Variants in CRACR2A observed in about 807,000 individuals in gnomAD.
The protein encoded by CRACR2A is EF-hand calcium-binding domain-containing protein 4B.
CRACR2A carries 79 observed loss-of-function variants against 90.5 expected under a neutral mutation model. The observed-to-expected ratio is 0.87, with a 90% CI of 0.73 to 1.05. The LOEUF is 1.05. Ranked by LOEUF, CRACR2A falls within the 50% of genes least tolerant of loss-of-function variation. The probability of loss-of-function intolerance (pLI) is 0.00; values close to 1 mark genes in which losing one functional copy is unlikely to be tolerated. For synonymous variants in CRACR2A, 338 were observed against 356.7 expected, an observed-to-expected ratio of 0.95 and a Z score of 0.59; for missense variants, 823 against 897.2, an observed-to-expected ratio of 0.92 and a Z score of 1.06.
At chr12:3,618,163 T>TC (rs1867730397) in intron 18 of CRACR2A, among the ~76,000 whole-genome samples, 1 of 141,358 alleles carries the variant, frequency 7.1e-6, no homozygotes, top group South Asian at 2.2e-4. Context: ...AGTTTTTTTT[T>TC]CACTAACAAA....
At chr12:3,749,795 T>TTG (rs200387314) in intron 1 of CRACR2A, among the ~76,000 whole-genome samples, 10,813 of 144,366 alleles carry the variant, frequency 0.075, 435 homozygotes, top group East Asian at 0.12. Flanking sequence ...TGCTGTTTCT[T>TTG]TGTGTGTGTG....
chr12:3,734,025 C>G (rs1946404687), intron 1 of CRACR2A, among the ~76,000 whole-genome samples: 1 of 137,636 alleles, frequency 7.3e-6, no homozygotes, highest in Non-Finnish European at 1.5e-5. Context: ...GGCTGGAGTG[C>G]AGTGGCATGA....
chr12:3,709,077 A>G (rs1156618261), intron 3 of CRACR2A, among the ~76,000 whole-genome samples: 1 of 152,226 alleles, frequency 6.6e-6, no homozygotes, highest in Non-Finnish European at 1.5e-5. Flanking sequence ...TGTCTTTCAC[A>G]ATGCACTGAC....
chr12:3,654,306 C>G lies in CRACR2A; in HGVS notation c.952G>C (p.Glu318Gln), dbSNP rs1282494406. The change falls in exon 10 of 20, where the codon GAG becomes CAG. Residue 318 changes from glutamate to glutamine, a missense_variant. Glu to Gln is a conservative substitution (Grantham distance 29). Coordinates refer to ENST00000440314, the MANE Select transcript of CRACR2A (RefSeq NM_001144958.2). The part of the protein sequence containing the change: ...LKLTNQELAR[E>Q]LERTSWELQD... ...AGCTCCCAGGAAGTCCGCTCCAGCT[C>G]CCGGGCCAGCTCCTGGTTAGTGAGT... 1 of 1,614,046 alleles carries G rather than the reference C, an allele frequency of 6.2e-7. No individual in the cohort carries two copies. The highest frequency in any genetic ancestry group is 8.5e-7 in the Non-Finnish European group (1 of 1,179,974).
chr12:3,656,174 C>A (rs1944902902), intron 9 of CRACR2A, 137 bp downstream of exon 9: 1 of 737,572 alleles, frequency 1.4e-6, no homozygotes, highest in African/African-American at 1.8e-5. Flanking sequence ...TAAATGCTAT[C>A]TTTTGCGCGA....
At chr12:3,726,070 T>C (rs1320179342) in intron 2 of CRACR2A, 1 of 152,164 alleles carries the variant, frequency 6.6e-6, no homozygotes, top group African/African-American at 2.4e-5. Flanking sequence ...AGAAACACCA[T>C]CTTTACCACC....
intron 13 of CRACR2A, among the ~76,000 whole-genome samples, chr12:3,639,773 A>G (rs755479375): frequency 1.6e-4 from 25 of 152,248 alleles, no homozygotes; most frequent in Non-Finnish European, 2.8e-4. Flanking sequence ...ATTCCTTGAT[A>G]TGAAAAATAA....
chr12:3,630,423 GC>G (rs1412641343), intron 15 of CRACR2A, among the ~76,000 whole-genome samples: 1 of 152,180 alleles, frequency 6.6e-6, no homozygotes, highest in Non-Finnish European at 1.5e-5. Flanking sequence ...ACCCTAGGGG[GC>G]TGCTGCAGGG....
At chr12:3,720,464 A>AAAGCAAGCAAGC (rs1236159224) in intron 2 of CRACR2A, among the ~76,000 whole-genome samples, 17 of 150,906 alleles carry the variant, frequency 1.1e-4, no homozygotes, top group African/African-American at 4.2e-4. Flanking sequence ...AGAAAGAAAG[A>AAAGCAAGCAAGC]AAGCAAAAGA....
At position 3,675,225 on chromosome 12, in the gene CRACR2A, G is replaced by A. The variant is rs114548832; in HGVS notation, c.525-1633C>T. Among the ~76,000 whole-genome samples the A allele has an allele frequency of 4.3e-3, 656 of 152,178 alleles. 2 individuals are homozygous for A. Among genetic ancestry groups the A allele is most frequent in the African/African-American group, 0.015 (614 of 41,516 alleles). On this transcript the variant is annotated intron_variant, in intron 6 of 19. Transcript: ENST00000440314. ...GCATTATATTTTAGAAATTTTCTTC[G>A]GAAGTGATATTTGTTAGTGTCATGC... is the stretch of plus-strand genomic sequence containing the variant.
intron 1 of CRACR2A, among the ~76,000 whole-genome samples, chr12:3,735,698 G>A (rs951785674): frequency 7.2e-5 from 11 of 152,260 alleles, no homozygotes; most frequent in African/African-American, 2.2e-4. Flanking sequence ...GTGGAGCTCC[G>A]AGGCTCACAT....
At chr12:3,685,746 T>C (rs1292910510) in intron 4 of CRACR2A, among the ~76,000 whole-genome samples, 1 of 152,160 alleles carries the variant, frequency 6.6e-6, no homozygotes, top group Non-Finnish European at 1.5e-5. Context: ...AATGAGGACA[T>C]TGTTTTACGG....
intron 2 of CRACR2A, among the ~76,000 whole-genome samples, chr12:3,720,413 G>GAGGA (rs1555119059): frequency 2.9e-4 from 9 of 31,314 alleles, no homozygotes; most frequent in African/African-American, 1.1e-3. Flanking sequence ...GAGTGAGAGA[G>GAGGA]AGGAAGAAAG....
Position 3,727,099 on chromosome 12 carries a change from GA to G in CRACR2A, c.-118+5842del, listed in dbSNP as rs1206769743. Reference sequence around the variant, plus strand: ...GAACCCGGGAGGCAGAGGTTGCAGTGACCTGAGATCGCACCACTGCACTCCA... The same window carrying G: ...GAACCCGGGAGGCAGAGGTTGCAGTGCCTGAGATCGCACCACTGCACTCCA... On this transcript the variant is annotated intron_variant, in intron 2 of 19. Transcript: ENST00000440314. 4 of 139,294 alleles carry G rather than the reference GA, an allele frequency of 2.9e-5. No individual in the cohort carries two copies. The Admixed American group carries it at 3.1e-4, about 11-fold the overall frequency. 8.6% of individuals were successfully genotyped at this position (139,294 alleles called of 1,614,324 possible). A position where few individuals can be genotyped will look rare whatever the true frequency, so the allele number is the denominator to read the frequency against.
intron 11 of CRACR2A, among the ~76,000 whole-genome samples, chr12:3,646,180 T>A (rs974830107): frequency 3.3e-5 from 5 of 152,292 alleles, no homozygotes; most frequent in African/African-American, 1.2e-4. Context: ...GAAAGTGAGT[T>A]GACTGGGTCG....
chr12:3,683,228 G>T (rs1435415948), intron 4 of CRACR2A, among the ~76,000 whole-genome samples: 2 of 152,202 alleles, frequency 1.3e-5, no homozygotes, highest in African/African-American at 4.8e-5. Flanking sequence ...TTTCCATCCA[G>T]GGCTTGAGCA....
At chr12:3,738,753 T>C (rs55936946) in intron 1 of CRACR2A, among the ~76,000 whole-genome samples, 23,898 of 152,118 alleles carry the variant, frequency 0.16, 2,075 homozygotes, top group African/African-American at 0.2. Context: ...CCAAGACACA[T>C]ATTCAAGAAT....
chr12:3,664,885 T>A (rs1469691856), intron 7 of CRACR2A, among the ~76,000 whole-genome samples: 3 of 152,182 alleles, frequency 2.0e-5, no homozygotes, highest in African/African-American at 7.2e-5. Context: ...TACACGTCTG[T>A]AGCCCCAGCT....
intron 17 of CRACR2A, among the ~76,000 whole-genome samples, chr12:3,626,468 TATGTG>T (rs1944262868): frequency 6.6e-6 from 1 of 152,178 alleles, no homozygotes; most frequent in Admixed American, 6.5e-5. Flanking sequence ...GCATGATAAA[TATGTG>T]ATGGGATATG....
Sources: allele counts gnomAD v4.1 joint callset (sites outside exome capture counted in the v4.1 genomes callset), GRCh38; gene constraint gnomAD v4.1.1; transcripts MANE v1.5; gene names NCBI Gene and HGNC (gene_info 2026-07-23, HGNC 2026-07-21).